Variants in GULP1 observed in about 807,000 individuals in gnomAD.
The protein encoded by GULP1 is GULP PTB domain containing engulfment adaptor 1, also known as PTB domain-containing engulfment adapter protein 1.
Under a neutral mutation model 40.9 loss-of-function variants are expected in GULP1, and 19 were observed. That is an observed-to-expected ratio of 0.46 (90% CI 0.32 to 0.68). GULP1 has a LOEUF of 0.68. Ranked by LOEUF, GULP1 falls within the 30% of genes least tolerant of loss-of-function variation. GULP1 has a pLI of 0.03. For synonymous variants in GULP1, 119 were observed against 117.6 expected (o/e 1.01, Z -0.08); for missense variants, 312 against 362.2 (o/e 0.86, Z 1.12).
intron 1 of GULP1, among the ~76,000 whole-genome samples, chr2:188,339,131 G>C (rs996845223): frequency 6.6e-6 from 1 of 152,040 alleles, no homozygotes; most frequent in Non-Finnish European, 1.5e-5. Flanking sequence ...GAAGACATGA[G>C]GTACTCTTAT....
intron 1 of GULP1, among the ~76,000 whole-genome samples, chr2:188,317,595 T>C (rs1313285571): frequency 1.3e-5 from 2 of 152,104 alleles, no homozygotes; most frequent in Non-Finnish European, 2.9e-5. Context: ...AAAGGCCACT[T>C]ACTGATAGAG....
intron 4 of GULP1, chr2:188,491,565 G>C (rs2062394775): frequency 6.6e-6 from 1 of 152,060 alleles, no homozygotes; most frequent in Non-Finnish European, 1.5e-5. Context: ...GGATTATGTG[G>C]TTGCTTTTCA....
rs145727689 is a variant in GULP1, at chr2:188,572,665, A to G, written c.609+2545A>G. ...TTTTTAGCTCTTAAAATCTTATCAT[A>G]TGATTTTTTAAATTGTTGATATGCT... is the stretch of plus-strand genomic sequence containing the variant. On this transcript the variant is annotated intron_variant, in intron 9 of 11. Transcript: ENST00000409830. Among the ~76,000 whole-genome samples, 803 of 152,286 alleles carry G rather than the reference A, an allele frequency of 5.3e-3. 5 individuals carry two copies. The highest frequency in any genetic ancestry group is 0.018 in the African/African-American group (755 of 41,566).
At chr2:188,524,987 T>C (rs973922380) in intron 5 of GULP1, among the ~76,000 whole-genome samples, 8 of 151,920 alleles carry the variant, frequency 5.3e-5, no homozygotes, top group African/African-American at 1.7e-4. Context: ...GATGGAAAAA[T>C]TAAAGAATTC....
chr2:188,292,781 G>A lies in GULP1; in HGVS notation c.-172+615G>A, dbSNP rs2034056891. ...AGAGCTGGGAGGGCCCAAAGGAAGG[G>A]GCGGCGTCCACATGGTTACCCTTCT... On this transcript the variant is annotated intron_variant, in intron 1 of 11. Transcript: ENST00000409830. The surrounding 1 kb of genome is among the most constrained non-coding windows in gnomAD (Gnocchi z 4.0). 1 of 152,606 alleles carries A rather than the reference G, an allele frequency of 6.6e-6. No individual in the cohort carries two copies. The highest frequency in any genetic ancestry group is 1.5e-5 in the Non-Finnish European group (1 of 68,410). The allele number at this position is 152,606 out of a possible 1,614,324, so 9.5% of individuals were successfully genotyped here. A position where few individuals can be genotyped will look rare whatever the true frequency, so the allele number is the denominator to read the frequency against.
At chr2:188,352,828 C>G (rs954229361) in intron 1 of GULP1, among the ~76,000 whole-genome samples, 1 of 152,030 alleles carries the variant, frequency 6.6e-6, no homozygotes, top group African/African-American at 2.4e-5. Context: ...ATTCTAGATT[C>G]ATTATACATT....
intron 2 of GULP1, among the ~76,000 whole-genome samples, chr2:188,422,386 G>GTATACACACACACATATACATATATATA (rs1391839741): frequency 6.6e-6 from 1 of 150,460 alleles, no homozygotes; most frequent in Non-Finnish European, 1.5e-5. Context: ...ATATGTATAT[G>GTATACACACACACATATACATATATATA]TATACACACA....
In GULP1 at chr2:188,416,770, C is replaced by T. The variant is rs554253731; in HGVS notation, c.-45+32881C>T. On this transcript the variant is annotated intron_variant, in intron 2 of 11. Transcript: ENST00000409830. ...AGCAACAGGATAGTGAGCTCTTGAACATATAGTAGTTAGTAGAAAAGTGAA... is the reference window on the plus strand; with the variant it reads ...AGCAACAGGATAGTGAGCTCTTGAATATATAGTAGTTAGTAGAAAAGTGAA... Among the ~76,000 whole-genome samples the T allele has an allele frequency of 9.2e-5, 14 of 152,240 alleles. No homozygotes were observed. In the South Asian group the frequency reaches 2.3e-3, roughly 25 times the overall value.
chr2:188,323,132 C>T (rs2040242299), intron 1 of GULP1, among the ~76,000 whole-genome samples: 1 of 152,022 alleles, frequency 6.6e-6, no homozygotes. Flanking sequence ...TATCGACACT[C>T]TTCCAGATCC....
chr2:188,407,950 A>G (rs1299476277), intron 2 of GULP1, among the ~76,000 whole-genome samples: 2 of 152,232 alleles, frequency 1.3e-5, no homozygotes, highest in Non-Finnish European at 2.9e-5. Flanking sequence ...AGGATGCAAA[A>G]AGAAATTCCA....
chr2:188,313,960 T>C (rs867916735), intron 1 of GULP1, among the ~76,000 whole-genome samples: 16 of 152,012 alleles, frequency 1.1e-4, no homozygotes, highest in Middle Eastern at 6.8e-3. Context: ...ACTAAGGCTT[T>C]TAAATTTTTT....
In GULP1 at chr2:188,522,837, G is replaced by T. The variant is rs1304920372; in HGVS notation, c.162+10G>T. On this transcript the variant is annotated intron_variant, in intron 5 of 11. Transcript: ENST00000409830. ...TGTAAGGAAACTAAAGGTAGGGAAA[G>T]GCCTTCAAATAAATTACAAGTGTAT... 6.4e-7 allele frequency: 1 copy of T among 1,557,778 alleles called. No individual in the cohort carries two copies. The highest frequency in any genetic ancestry group is 1.1e-5 in the South Asian group (1 of 89,878).
In GULP1 at chr2:188,322,301, C is replaced by T. The variant is rs375930576; in HGVS notation, c.-172+30135C>T. Among the ~76,000 whole-genome samples the T allele has an allele frequency of 6.2e-3, 904 of 146,242 alleles. 6 individuals carry two copies. Among genetic ancestry groups the T allele is most frequent in the African/African-American group, 0.021 (842 of 39,932 alleles). On this transcript the variant is annotated intron_variant, in intron 1 of 11. Transcript: ENST00000409830. The stretch of plus-strand genomic sequence containing the variant: ...AGTATGCTGCATTTATATTTTAGAG[C>T]TTTTTTTTTTAGGGGTAGAGGAAGA...
intron 1 of GULP1, among the ~76,000 whole-genome samples, chr2:188,357,994 C>T (rs1339748017): frequency 6.6e-6 from 1 of 152,156 alleles, no homozygotes; most frequent in Non-Finnish European, 1.5e-5. Flanking sequence ...GCCAGGCCAA[C>T]ATGGCGAAAC....
intron 1 of GULP1, among the ~76,000 whole-genome samples, chr2:188,381,885 T>G (rs1421350251): frequency 2.0e-5 from 3 of 152,152 alleles, no homozygotes; most frequent in Non-Finnish European, 4.4e-5. Flanking sequence ...TACAGCAAGG[T>G]GAAATGAATT....
rs565577800 is a variant in GULP1 at position 188,327,202 on chromosome 2, C to G, written c.-172+35036C>G. ...TGCACATGTGAAGGCAAGATGCCTA[C>G]TGTACAGAACATGCAATTGATGAAT... On this transcript the variant is annotated intron_variant, in intron 1 of 11. Transcript: ENST00000409830. Among the ~76,000 whole-genome samples the G allele has an allele frequency of 2.0e-5, 3 of 152,252 alleles. No homozygotes were observed. In the East Asian group the frequency reaches 5.8e-4, roughly 29 times the overall value.
intron 4 of GULP1, among the ~76,000 whole-genome samples, chr2:188,491,058 A>G (rs1386267469): frequency 6.6e-6 from 1 of 152,014 alleles, no homozygotes; most frequent in Admixed American, 6.6e-5. Flanking sequence ...TTGACCTCCC[A>G]AAGTGCTGGG....
chr2:188,330,392 G>A (rs2041402745), intron 1 of GULP1, among the ~76,000 whole-genome samples: 1 of 151,972 alleles, frequency 6.6e-6, no homozygotes, highest in East Asian at 1.9e-4. Flanking sequence ...CTTTTTGGTG[G>A]GCACTTTTAA....
At chr2:188,400,841 A>T (rs565937088) in intron 2 of GULP1, among the ~76,000 whole-genome samples, 1 of 151,980 alleles carries the variant, frequency 6.6e-6, no homozygotes, top group Non-Finnish European at 1.5e-5. Flanking sequence ...GAGGAATCAC[A>T]TGTAATATGG....
Sources: gnomAD v4.1 joint callset for allele counts (sites outside exome capture counted in the v4.1 genomes callset) on GRCh38, gnomAD v4.1.1 for gene constraint, Gnocchi (gnomAD v3.1) non-coding constraint, MANE v1.5 for transcripts, NCBI Gene and HGNC (gene_info 2026-07-23, HGNC 2026-07-21) for gene names.